PHEX: variants seen among roughly 807,000 people sequenced by gnomAD.
The protein encoded by PHEX is phosphate regulating endopeptidase X-linked, also known as phosphate-regulating neutral endopeptidase PHEX.
PHEX carries 16 observed loss-of-function variants against 68.0 expected under a neutral mutation model. That is an observed-to-expected ratio of 0.24 (90% CI 0.16 to 0.36). PHEX has a LOEUF of 0.36. Among genes scored for constraint, PHEX ranks in the 10% least tolerant of loss-of-function variants. The pLI, the probability that PHEX is intolerant of heterozygous loss-of-function variation, is 1.00. For synonymous variants in PHEX, 208 were observed against 205.1 expected (o/e 1.01, Z -0.12); for missense variants, 480 against 575.5 (o/e 0.83, Z 1.70).
chrX:22,223,903 G>A (rs1002966415), intron 18 of PHEX, among the ~76,000 whole-genome samples: 6 of 112,874 alleles, frequency 5.3e-5, no homozygotes, highest in Non-Finnish European at 9.4e-5. Flanking sequence ...GCTTGGGTTC[G>A]AATCCCAGTG....
At chrX:22,077,756 G>C in intron 5 of PHEX, 54 bp downstream of exon 5, 1 of 922,314 alleles carries the variant, frequency 1.1e-6, no homozygotes, top group African/African-American at 1.9e-5. Flanking sequence ...AGCCTTTTGG[G>C]GTGCCATCCT....
At position 22,156,870 on chromosome X, in the gene PHEX, CT is replaced by C. The variant is rs113131613; in HGVS notation, c.1405-11431del. ...ACTCTTCTGCCCAGTTTCTTTTCAT[CT>C]TTTTTTTTTTAATTTAATTTTTATC... is the stretch of plus-strand genomic sequence containing the variant. On this transcript the variant is annotated intron_variant, in intron 12 of 21. Coordinates refer to ENST00000379374, the MANE Select transcript of PHEX (RefSeq NM_000444.6). 5.0e-3 allele frequency among the ~76,000 whole-genome samples: 520 copies of C among 104,520 alleles called. 4 individuals are homozygous for C. The highest frequency in any genetic ancestry group is 0.015 in the African/African-American group (423 of 29,016). The allele number at this position is 104,520 out of a possible 115,157, so 90.8% of individuals were successfully genotyped here.
intron 13 of PHEX, among the ~76,000 whole-genome samples, chrX:22,168,811 TTA>T (rs1264843154): frequency 2.7e-5 from 3 of 112,312 alleles, no homozygotes; most frequent in African/African-American, 9.7e-5. Context: ...TCATTAAACT[TTA>T]TGAGTGTTTT....
chrX:22,095,426 G>A (rs1317708968), intron 7 of PHEX, among the ~76,000 whole-genome samples: 1 of 112,355 alleles, frequency 8.9e-6, no homozygotes, highest in Non-Finnish European at 1.9e-5. Context: ...CAGCTGGGCT[G>A]AGGCAAGACT....
At chrX:22,216,788 G>C (rs370417523) in intron 16 of PHEX, among the ~76,000 whole-genome samples, 307 of 111,212 alleles carry the variant, frequency 2.8e-3, no homozygotes, top group African/African-American at 9.2e-3. Flanking sequence ...CCAAAGTGCT[G>C]GGATTACAGG....
At chrX:22,202,422 G>A (rs1934585307) in intron 15 of PHEX, among the ~76,000 whole-genome samples, 1 of 111,653 alleles carries the variant, frequency 9.0e-6, no homozygotes, top group Admixed American at 9.5e-5. Context: ...CAAATGGTAT[G>A]CCCCATTTGA....
chrX:22,231,539 A>G (rs991871236), intron 20 of PHEX, among the ~76,000 whole-genome samples: 1 of 111,129 alleles, frequency 9.0e-6, no homozygotes, highest in Non-Finnish European at 1.9e-5. Context: ...TTTCTTCTAG[A>G]TTTTCTAGTT....
intron 20 of PHEX, among the ~76,000 whole-genome samples, chrX:22,243,937 T>C (rs1936310575): frequency 8.9e-6 from 1 of 112,222 alleles, no homozygotes; most frequent in South Asian, 3.7e-4. Flanking sequence ...ACTGGGTATA[T>C]ACCGAAATAA....
intron 9 of PHEX, 88 bp from the exon 10 acceptor site, chrX:22,111,379 C>G (rs139081271): frequency 1.3e-6 from 1 of 743,561 alleles, no homozygotes; most frequent in Non-Finnish European, 2.1e-6. Flanking sequence ...CTCGATGGAG[C>G]TTTGCCAACT....
At chrX:22,212,029 C>T in intron 15 of PHEX, among the ~76,000 whole-genome samples, 1 of 111,802 alleles carries the variant, frequency 8.9e-6, no homozygotes, top group Non-Finnish European at 1.9e-5. Context: ...AGTGGGGACA[C>T]AGCCAAACCA....
At chrX:22,173,182 GCT>G (rs1431343894) in intron 13 of PHEX, among the ~76,000 whole-genome samples, 1 of 112,271 alleles carries the variant, frequency 8.9e-6, no homozygotes, top group East Asian at 2.8e-4. Flanking sequence ...ATTGCGCTCA[GCT>G]CTTTCAAGGG....
chrX:22,133,137 C>T (rs1449967381), intron 11 of PHEX, among the ~76,000 whole-genome samples: 2 of 111,745 alleles, frequency 1.8e-5, no homozygotes, highest in African/African-American at 3.3e-5. Flanking sequence ...CTGCTCATCT[C>T]AGCCTCCCAA....
chrX:22,199,287 A>G (rs1179580213), intron 15 of PHEX, among the ~76,000 whole-genome samples: 2 of 111,408 alleles, frequency 1.8e-5, no homozygotes, highest in African/African-American at 3.3e-5. Flanking sequence ...AGGCAATGAC[A>G]GGGGTGAGGA....
intron 15 of PHEX, among the ~76,000 whole-genome samples, chrX:22,191,858 A>G (rs1934209655): frequency 8.9e-6 from 1 of 112,585 alleles, no homozygotes; most frequent in Admixed American, 9.4e-5. Flanking sequence ...ACACAAAGGA[A>G]TACCATACAG....
rs138439406 is a variant in PHEX at position 22,081,817 on chromosome X, C to G, written c.663+4115C>G. Reference sequence around the variant, plus strand: ...AGAAGTTAGTGACCAAAAACATTATCTTGCTGCACACGTTTGGATTTATTC... The same window carrying G: ...AGAAGTTAGTGACCAAAAACATTATGTTGCTGCACACGTTTGGATTTATTC... On this transcript the variant is annotated intron_variant, in intron 5 of 21. Transcript: ENST00000379374. Among the ~76,000 whole-genome samples the G allele has an allele frequency of 3.7e-3, 413 of 112,150 alleles. 1 individual carries two copies. Among genetic ancestry groups the G allele is most frequent in the Non-Finnish European group, 6.5e-3 (346 of 53,233 alleles).
chrX:22,044,808 C>T (rs779153951), intron 2 of PHEX, among the ~76,000 whole-genome samples: 204 of 110,998 alleles, frequency 1.8e-3, no homozygotes, highest in Non-Finnish European at 3.4e-3. Context: ...TTCTGAAGCA[C>T]GAAAATGTTA....
At chrX:22,160,615 A>G (rs1445879008) in intron 12 of PHEX, among the ~76,000 whole-genome samples, 1 of 109,552 alleles carries the variant, frequency 9.1e-6, no homozygotes, top group Non-Finnish European at 1.9e-5. Context: ...CCTTCATAAA[A>G]CCATCAGATC....
chrX:22,243,502 A>G (rs1038176668), intron 20 of PHEX, among the ~76,000 whole-genome samples: 26 of 112,161 alleles, frequency 2.3e-4, no homozygotes, highest in Admixed American at 1.7e-3. Flanking sequence ...GGCAACCTAG[A>G]GGATGGGAGA....
At chrX:22,081,099 C>T (rs957766560) in intron 5 of PHEX, among the ~76,000 whole-genome samples, 1 of 110,837 alleles carries the variant, frequency 9.0e-6, no homozygotes, top group Non-Finnish European at 1.9e-5. Context: ...TTTGTTTACT[C>T]AACCTAATAT....
Sources: allele counts gnomAD v4.1 joint callset (sites outside exome capture counted in the v4.1 genomes callset), GRCh38; gene constraint gnomAD v4.1.1; transcripts MANE v1.5; gene names NCBI Gene and HGNC (gene_info 2026-07-23, HGNC 2026-07-21).